PPP1R12A: variants seen among roughly 807,000 people sequenced by gnomAD.
PPP1R12A encodes the protein myosin binding subunit.
PPP1R12A carries 19 observed loss-of-function variants against 139.6 expected under a neutral mutation model. That is an observed-to-expected ratio of 0.14 (90% CI 0.09 to 0.20). The LOEUF (loss-of-function observed/expected upper bound fraction) is 0.20, where lower values mean the gene tolerates loss of function less well. PPP1R12A is among the 10% of genes least tolerant of loss of function. The pLI is 1.00. For missense variants in PPP1R12A, 925 were observed against 1,211.5 expected, an observed-to-expected ratio of 0.76 and a Z score of 3.51; for synonymous variants, 427 against 420.6, an observed-to-expected ratio of 1.02 and a Z score of -0.19.
intron 6 of PPP1R12A, among the ~76,000 whole-genome samples, 177 bp from the exon 7 acceptor site, chr12:79,821,343 C>A (rs1435008470): frequency 6.6e-6 from 1 of 152,126 alleles, no homozygotes; most frequent in Non-Finnish European, 1.5e-5. Flanking sequence ...ATGAAATAGA[C>A]TAGACAATTA....
At chr12:79,823,879 G>C (rs1876444307) in intron 5 of PPP1R12A, 1 of 152,190 alleles carries the variant, frequency 6.6e-6, no homozygotes, top group Non-Finnish European at 1.5e-5. Flanking sequence ...ATGGGCCACT[G>C]TGCCCAGCCC....
intron 1 of PPP1R12A, among the ~76,000 whole-genome samples, chr12:79,891,429 A>G (rs1884632291): frequency 6.6e-6 from 1 of 152,212 alleles, no homozygotes; most frequent in Non-Finnish European, 1.5e-5. Flanking sequence ...AATTGATTCA[A>G]GTATCTTGTT....
chr12:79,910,573 A>T (rs1411937161), intron 1 of PPP1R12A, among the ~76,000 whole-genome samples: 3 of 151,926 alleles, frequency 2.0e-5, no homozygotes, highest in African/African-American at 2.4e-5. Context: ...TTCCAATCTT[A>T]TAAGAGCTAT....
At chr12:79,934,196 T>C (rs184849521) in intron 1 of PPP1R12A, among the ~76,000 whole-genome samples, 89 of 152,282 alleles carry the variant, frequency 5.8e-4, no homozygotes, top group African/African-American at 1.9e-3. Flanking sequence ...ATTACTATTA[T>C]TATCATCATT....
At chr12:79,815,524 GAA>G (rs796393176) in intron 9 of PPP1R12A, among the ~76,000 whole-genome samples, 1 of 96,588 alleles carries the variant, frequency 1.0e-5, no homozygotes, top group African/African-American at 3.8e-5. Flanking sequence ...GCCTCAAAAA[GAA>G]AAAAAAAAAA....
chr12:79,862,016 G>A (rs779716749), intron 2 of PPP1R12A, among the ~76,000 whole-genome samples: 6 of 152,104 alleles, frequency 3.9e-5, no homozygotes, highest in African/African-American at 1.4e-4. Flanking sequence ...TACTCAACAG[G>A]GTCCCCGACC....
At chr12:79,788,068 C>CT (rs1345930206) in intron 21 of PPP1R12A, 1 of 152,168 alleles carries the variant, frequency 6.6e-6, no homozygotes, top group African/African-American at 2.4e-5. Context: ...TAAAATGATT[C>CT]TCTCCCTCAC....
intron 1 of PPP1R12A, among the ~76,000 whole-genome samples, chr12:79,910,468 G>A (rs1478054313): frequency 1.4e-4 from 9 of 65,880 alleles, no homozygotes; most frequent in Admixed American, 9.4e-4. Context: ...GCACGACTCC[G>A]TCAAATAAAT....
chr12:79,827,628 A>C (rs1410242323), intron 5 of PPP1R12A, among the ~76,000 whole-genome samples: 1 of 152,152 alleles, frequency 6.6e-6, no homozygotes, highest in Non-Finnish European at 1.5e-5. Flanking sequence ...AGAGGAGAGA[A>C]GTCTAGTTTA....
Position 79,774,300 on chromosome 12 carries a change from C to T in PPP1R12A, c.*1629G>A, listed in dbSNP as rs146807392. On this transcript the variant is annotated 3_prime_UTR_variant, in exon 25 of 25. Coordinates refer to ENST00000450142, the MANE Select transcript of PPP1R12A (RefSeq NM_002480.3). Reference sequence around the variant, plus strand: ...AACCTTATATCTTCATAAAACCAATCGAGAGAGAGAGGACTTAAAATCCTG... The same window carrying T: ...AACCTTATATCTTCATAAAACCAATTGAGAGAGAGAGGACTTAAAATCCTG... The T allele has an allele frequency of 2.0e-5, 3 of 152,288 alleles. No homozygotes were observed. The highest frequency in any genetic ancestry group is 2.9e-5 in the Non-Finnish European group (2 of 67,962). The allele number at this position is 152,288 out of a possible 1,614,324, so 9.4% of individuals were successfully genotyped here.
intron 3 of PPP1R12A, among the ~76,000 whole-genome samples, chr12:79,836,770 C>T (rs1000570235): frequency 1.3e-5 from 2 of 152,064 alleles, no homozygotes; most frequent in African/African-American, 4.8e-5. Context: ...AGTGCTTTGA[C>T]TAACTAGCCA....
intron 23 of PPP1R12A, 147 bp downstream of exon 23, chr12:79,781,665 AAAG>A (rs1870463044): frequency 2.2e-6 from 1 of 457,190 alleles, no homozygotes; most frequent in East Asian, 3.4e-5. Flanking sequence ...AGAATTCTAT[AAAG>A]AAGTTGCTGC....
intron 2 of PPP1R12A, among the ~76,000 whole-genome samples, chr12:79,849,471 C>T (rs1210901444): frequency 6.6e-6 from 1 of 152,122 alleles, no homozygotes; most frequent in Non-Finnish European, 1.5e-5. Context: ...GAAAATTTCA[C>T]TTTGAAAGAC....
chr12:79,820,847 T>C lies in PPP1R12A; in HGVS notation c.1041A>G (p.Glu347=). ...AGCAGCTAGACTCATCCTTCTTTCC[T>C]TCTTCTTCTTCATCAACCTTTTCTT... ...LEQEKVDEEE[E]GKKDESSCSS... is the part of the protein sequence containing the mutation. Residue 347 remains glutamate (E), a synonymous_variant, in exon 8 of 25, where the codon GAA becomes GAG. Coordinates refer to ENST00000450142, the MANE Select transcript of PPP1R12A (RefSeq NM_002480.3). 1 of 1,613,420 alleles carries C rather than the reference T, an allele frequency of 6.2e-7. No individual in the cohort carries two copies. Among genetic ancestry groups the C allele is most frequent in the Middle Eastern group, 1.7e-4 (1 of 6,058 alleles).
chr12:79,892,477 A>G (rs977904987), intron 1 of PPP1R12A, among the ~76,000 whole-genome samples: 1 of 152,246 alleles, frequency 6.6e-6, no homozygotes, highest in Non-Finnish European at 1.5e-5. Flanking sequence ...GAGACAGGGC[A>G]AATGGCAATA....
chr12:79,839,170 G>T (rs1878422144), intron 3 of PPP1R12A, among the ~76,000 whole-genome samples: 2 of 152,196 alleles, frequency 1.3e-5, no homozygotes, highest in South Asian at 4.1e-4. Flanking sequence ...TTTAATAACA[G>T]CCCTACTGGA....
chr12:79,822,160 C>T lies in PPP1R12A; in HGVS notation c.823G>A (p.Asp275Asn). 2 of 1,590,770 alleles carry T rather than the reference C, an allele frequency of 1.3e-6. No homozygotes were observed. Among genetic ancestry groups the T allele is most frequent in the Non-Finnish European group, 1.7e-6 (2 of 1,166,452 alleles). Residue 275 changes from aspartate (D) to asparagine (N), a missense_variant, in exon 6 of 25, where the codon GAC (aspartate) becomes AAC (asparagine). Transcript: ENST00000450142. ...GQTAFDVADEDILGYLEELQK... is the reference protein window; with the variant it reads ...GQTAFDVADENILGYLEELQK... The stretch of plus-strand genomic sequence containing the variant: ...AACTCTTCTAAATATCCTAAAATGT[C>T]TTCATCTGCTACATCAAAGGCTGTT...
chr12:79,891,153 G>C (rs1884607735), intron 1 of PPP1R12A, among the ~76,000 whole-genome samples: 1 of 151,892 alleles, frequency 6.6e-6, no homozygotes, highest in Non-Finnish European at 1.5e-5. Flanking sequence ...TAATTATTCA[G>C]CTATATTCAG....
At chr12:79,892,159 C>T (rs1396577276) in intron 1 of PPP1R12A, among the ~76,000 whole-genome samples, 2 of 152,096 alleles carry the variant, frequency 1.3e-5, no homozygotes, top group Non-Finnish European at 2.9e-5. Flanking sequence ...TGTTCCCTTC[C>T]GCAACTTATA....
Sources: gnomAD v4.1 joint callset for allele counts (sites outside exome capture counted in the v4.1 genomes callset) on GRCh38, gnomAD v4.1.1 for gene constraint, MANE v1.5 for transcripts, NCBI Gene and HGNC (gene_info 2026-07-23, HGNC 2026-07-21) for gene names.